Variants in KIT observed in about 807,000 individuals in gnomAD.
KIT encodes the protein mast/stem cell growth factor receptor Kit.
KIT carries 16 observed loss-of-function variants against 105.7 expected under a neutral mutation model. The ratio of observed to expected loss-of-function variants is 0.15; its 90% CI spans 0.10 to 0.23. KIT has a LOEUF of 0.23. KIT is among the 10% of genes least tolerant of loss of function. KIT has a pLI of 1.00. For missense variants in KIT, 858 were observed against 1,213.8 expected (o/e 0.71, Z 4.36); for synonymous variants, 438 against 441.1 (o/e 0.99, Z 0.09).
rs543269780 is a variant in KIT at position 54,710,530 on chromosome 4, C to T, written c.1231+991C>T. ...GTCTTGAAGGAGCTTACTTTCTGTA[C>T]GAGGTGTTGTGGTTTTGTTTTTTTT... On this transcript the variant is annotated intron_variant, in intron 7 of 20. Coordinates refer to ENST00000288135, the MANE Select transcript of KIT (RefSeq NM_000222.3). Among the ~76,000 whole-genome samples the T allele has an allele frequency of 3.0e-4, 45 of 151,186 alleles. 1 individual carries two copies. The highest frequency in any genetic ancestry group is 7.0e-4 in the African/African-American group (29 of 41,316).
intron 7 of KIT, among the ~76,000 whole-genome samples, chr4:54,721,323 C>T (rs1361160521): frequency 6.6e-6 from 1 of 152,172 alleles, no homozygotes; most frequent in Non-Finnish European, 1.5e-5. Context: ...CACAGTATGG[C>T]ACCTAGAGTC....
chr4:54,682,193 G>A (rs1462965784), intron 1 of KIT, among the ~76,000 whole-genome samples: 3 of 150,118 alleles, frequency 2.0e-5, no homozygotes, highest in African/African-American at 7.4e-5. Flanking sequence ...GGGCTCAAGC[G>A]ATCCTCCCAC....
At chr4:54,667,881 AGTT>A (rs1358612021) in intron 1 of KIT, among the ~76,000 whole-genome samples, 1 of 152,108 alleles carries the variant, frequency 6.6e-6, no homozygotes, top group Non-Finnish European at 1.5e-5. Flanking sequence ...ATGTATTTTG[AGTT>A]GTTTTTAAGT....
intron 9 of KIT, among the ~76,000 whole-genome samples, chr4:54,726,446 AC>A (rs1258287541): frequency 6.6e-6 from 1 of 152,248 alleles, no homozygotes; most frequent in African/African-American, 2.4e-5. Flanking sequence ...TTTGCCAGAC[AC>A]TGTATCCAAA....
Position 54,683,714 on chromosome 4 carries a change from CT to C in KIT, c.68-11796del, listed in dbSNP as rs553418788. Among the ~76,000 whole-genome samples, 3 of 152,310 alleles carry C rather than the reference CT, an allele frequency of 2.0e-5. No individual in the cohort carries two copies. In the South Asian group the frequency reaches 6.2e-4, roughly 32 times the overall value. The stretch of plus-strand genomic sequence containing the variant: ...CTGCTGGGTCCTCTTAGTAAGTTTC[CT>C]TAGAAGCACACAGAACATTTAACAT... On this transcript the variant is annotated intron_variant, in intron 1 of 20. Transcript: ENST00000288135.
At chr4:54,683,859 G>T (rs1017901236) in intron 1 of KIT, among the ~76,000 whole-genome samples, 8 of 152,186 alleles carry the variant, frequency 5.3e-5, no homozygotes, top group Non-Finnish European at 1.2e-4. Context: ...CAAGGTGAGG[G>T]TTGCACTAAA....
chr4:54,699,627 T>A lies in KIT; in HGVS notation c.620-3T>A. 1.2e-6 allele frequency: 2 copies of A among 1,613,996 alleles called. No individual in the cohort carries two copies. Among genetic ancestry groups the A allele is most frequent in the Non-Finnish European group, 1.7e-6 (2 of 1,179,870 alleles). On this transcript the variant is annotated splice_region_variant and splice_polypyrimidine_tract_variant and intron_variant, in intron 3 of 20. Transcript: ENST00000288135. ...TGAGGGGCCACATTTCTTTTCATTC[T>A]AGCCTTCAAAGCTGTGCCTGTTGTG...
intron 7 of KIT, among the ~76,000 whole-genome samples, chr4:54,716,360 T>C (rs1721497947): frequency 6.6e-6 from 1 of 152,198 alleles, no homozygotes; most frequent in Non-Finnish European, 1.5e-5. Flanking sequence ...AAAACAATTT[T>C]TTCTCATTAC....
At chr4:54,690,056 TG>T (rs1217108461) in intron 1 of KIT, among the ~76,000 whole-genome samples, 10 of 106,704 alleles carry the variant, frequency 9.4e-5, no homozygotes, top group East Asian at 4.7e-4. Flanking sequence ...ACTTTTTTTT[TG>T]TGGGGGGGGG....
intron 1 of KIT, among the ~76,000 whole-genome samples, chr4:54,681,081 A>G (rs1181382599): frequency 1.3e-5 from 2 of 151,936 alleles, no homozygotes; most frequent in Admixed American, 6.6e-5. Flanking sequence ...TTTGTTCTGA[A>G]TTGTTCTTTA....
At chr4:54,698,608 C>T (rs1720243437) in intron 3 of KIT, 43 bp downstream of exon 3, 1 of 1,605,184 alleles carries the variant, frequency 6.2e-7, no homozygotes, top group Non-Finnish European at 8.5e-7. Context: ...TGAGAACTCA[C>T]TTATCTAAAG....
chr4:54,685,036 G>A (rs1560386031), intron 1 of KIT, among the ~76,000 whole-genome samples: 1 of 152,094 alleles, frequency 6.6e-6, no homozygotes, highest in Non-Finnish European at 1.5e-5. Flanking sequence ...AATTACTTTT[G>A]CACCAACCTT....
rs1722446052 is a variant in KIT, at chr4:54,729,442, G to A, written c.2098G>A (p.Ala700Thr). Residue 700 changes from alanine to threonine, a missense_variant, in exon 14 of 21, where the codon GCT becomes ACT. Ala to Thr is a moderately conservative substitution (Grantham distance 58). Transcript: ENST00000288135. ...TTCAAAGCAGGAAGATCATGCAGAA[G>A]CTGCACTTTATAAGAATCTTCTGCA... ...ICSKQEDHAE[A>T]ALYKNLLHSK... 1.2e-6 allele frequency: 2 copies of A among 1,613,710 alleles called. No homozygotes were observed. Among genetic ancestry groups the A allele is most frequent in the East Asian group, 4.5e-5 (2 of 44,844 alleles).
rs755780019 is a variant in KIT, at chr4:54,658,023, C to T, written c.9C>T (p.Gly3=). 6.2e-7 allele frequency: 1 copy of T among 1,613,864 alleles called. No individual in the cohort carries two copies. The highest frequency in any genetic ancestry group is 1.3e-5 in the African/African-American group (1 of 75,058). The change falls in exon 1 of 21, where the codon GGC becomes GGT. Residue 3 remains glycine, a synonymous_variant. Coordinates refer to ENST00000288135, the MANE Select transcript of KIT (RefSeq NM_000222.3). The part of the protein sequence containing the change: MR[G]ARGAWDFLCV... Reference sequence around the variant, plus strand: ...CCATCGCAGCTACCGCGATGAGAGGCGCTCGCGGCGCCTGGGATTTTCTCT... The same window carrying T: ...CCATCGCAGCTACCGCGATGAGAGGTGCTCGCGGCGCCTGGGATTTTCTCT...
chr4:54,680,322 C>T (rs1471256384), intron 1 of KIT, among the ~76,000 whole-genome samples: 1 of 150,814 alleles, frequency 6.6e-6, no homozygotes, highest in African/African-American at 2.4e-5. Context: ...AATTAGATGC[C>T]ATAAGTTAGA....
At chr4:54,721,110 CAAGT>C (rs1313694019) in intron 7 of KIT, among the ~76,000 whole-genome samples, 5 of 152,252 alleles carry the variant, frequency 3.3e-5, no homozygotes, top group Admixed American at 3.3e-4. Flanking sequence ...CTAGGAGTCA[CAAGT>C]ATACTCAATC....
intron 7 of KIT, among the ~76,000 whole-genome samples, chr4:54,716,804 G>C (rs944979398): frequency 6.6e-6 from 1 of 152,152 alleles, no homozygotes; most frequent in African/African-American, 2.4e-5. Flanking sequence ...TAAGTGGCTG[G>C]AAGTTAATAA....
At chr4:54,682,825 C>T (rs2109613166) in intron 1 of KIT, among the ~76,000 whole-genome samples, 1 of 151,406 alleles carries the variant, frequency 6.6e-6, no homozygotes, top group Middle Eastern at 3.4e-3. Flanking sequence ...AATCTCGGCT[C>T]ACTGCAACCT....
At chr4:54,673,246 T>C (rs1038131500) in intron 1 of KIT, among the ~76,000 whole-genome samples, 3 of 152,230 alleles carry the variant, frequency 2.0e-5, no homozygotes, top group African/African-American at 7.2e-5. Context: ...TGTTCTGATC[T>C]TTGTTGGCTT....
Sources: allele counts gnomAD v4.1 joint callset (sites outside exome capture counted in the v4.1 genomes callset), GRCh38; gene constraint gnomAD v4.1.1; transcripts MANE v1.5; gene names NCBI Gene and HGNC (gene_info 2026-07-23, HGNC 2026-07-21).